CFAP47: variants seen among roughly 807,000 people sequenced by gnomAD.
The protein encoded by CFAP47 is cilia- and flagella-associated protein 47.
A neutral mutation model predicts 148.1 loss-of-function variants in CFAP47; 29 were observed. The observed-to-expected ratio is 0.20, with a 90% CI of 0.15 to 0.27. CFAP47 has a LOEUF of 0.27. CFAP47 is among the 10% of genes least tolerant of loss of function. CFAP47 has a pLI of 1.00. For missense variants in CFAP47, 1,872 were observed against 1,697.5 expected (o/e 1.10, Z -1.81); for synonymous variants, 664 against 577.3 (o/e 1.15, Z -2.15).
At chrX:36,004,218 CTGCCCACCA>C (rs758787525) in intron 21 of CFAP47, among the ~76,000 whole-genome samples, 18 of 110,200 alleles carry the variant, frequency 1.6e-4, no homozygotes, top group African/African-American at 6.0e-4. Context: ...CTCAGGTAAT[CTGCCCACCA>C]TGGCGTCCCA....
At chrX:36,061,075 G>T (rs570868062) in intron 26 of CFAP47, among the ~76,000 whole-genome samples, 2 of 111,015 alleles carry the variant, frequency 1.8e-5, no homozygotes, top group African/African-American at 6.5e-5. Flanking sequence ...GATCAAGGGG[G>T]TAGATTTCCC....
At chrX:36,121,891 AT>A (rs1215288449) in intron 33 of CFAP47, among the ~76,000 whole-genome samples, 2 of 110,833 alleles carry the variant, frequency 1.8e-5, no homozygotes, top group East Asian at 2.8e-4. Context: ...CCATCAGATG[AT>A]TTTTTTATTG....
intron 33 of CFAP47, among the ~76,000 whole-genome samples, chrX:36,118,635 G>A (rs1017290176): frequency 2.0e-4 from 22 of 109,591 alleles, no homozygotes; most frequent in African/African-American, 6.0e-4. Flanking sequence ...CACCATGCCC[G>A]GCTAATTTTT....
chrX:36,112,390 A>G (rs931008881), intron 33 of CFAP47, among the ~76,000 whole-genome samples: 6 of 111,514 alleles, frequency 5.4e-5, no homozygotes, highest in Non-Finnish European at 1.1e-4. Flanking sequence ...AGGTTATTCA[A>G]TTTCCATGTA....
intron 37 of CFAP47, among the ~76,000 whole-genome samples, chrX:36,157,327 G>A (rs868660332): frequency 7.6e-4 from 85 of 112,436 alleles, no homozygotes; most frequent in African/African-American, 2.6e-3. Context: ...TTTCACTTTT[G>A]TGACAGTCAC....
intron 33 of CFAP47, among the ~76,000 whole-genome samples, chrX:36,113,967 G>A (rs146723953): frequency 0.062 from 6,693 of 108,690 alleles, 576 homozygotes; most frequent in African/African-American, 0.21. Context: ...CCACCACCAT[G>A]CCCAGCTAAT....
Position 35,941,322 on chromosome X carries a change from T to C in CFAP47, c.441T>C (p.Val147=). 8.5e-7 allele frequency: 1 copy of C among 1,180,111 alleles called. No individual in the cohort carries two copies. The highest frequency in any genetic ancestry group is 1.1e-6 in the Non-Finnish European group (1 of 879,236). Residue 147 remains valine, a synonymous_variant, in exon 3 of 64, where the codon GTT becomes GTC. Transcript: ENST00000378653. ...GTCAATTGGAAATTGAATCAGTAGTTAATTTTGGCACACTGGTTGCCAATA... is the reference window on the plus strand; with the variant it reads ...GTCAATTGGAAATTGAATCAGTAGTCAATTTTGGCACACTGGTTGCCAATA... ...PSCQLEIESV[V]NFGTLVANSK...
At position 36,144,880 on chromosome X, in the gene CFAP47, C is replaced by T. The variant is rs1230187001; in HGVS notation, c.5536-339C>T. The T allele has an allele frequency of 3.1e-6, 3 of 965,545 alleles. No homozygotes were observed. The East Asian group carries it at 1.7e-4, about 56-fold the overall frequency. The allele number at this position is 965,545 out of a possible 1,213,427, so 79.6% of individuals were successfully genotyped here. A position where few individuals can be genotyped will look rare whatever the true frequency, so the allele number is the denominator to read the frequency against. On this transcript the variant is annotated intron_variant, in intron 35 of 63. Transcript: ENST00000378653. The stretch of plus-strand genomic sequence containing the variant: ...CTCCTTTGGGCTTTCAGCCTTCGGC[C>T]TCAGAATGGGGCCTGCACTGTAGCT...
rs1940901996 is a variant in CFAP47 at position 36,267,089 on chromosome X, T to A, written c.7445-13398T>A. Among the ~76,000 whole-genome samples the A allele has an allele frequency of 4.5e-5, 5 of 112,260 alleles. No individual in the cohort carries two copies. In the Admixed American group the frequency reaches 4.7e-4, roughly 11 times the overall value. ...GTCTTTGACATTGAAAGAAACTTATTGACCATAGTACCACAGGAACAGTTG... is the reference window on the plus strand; with the variant it reads ...GTCTTTGACATTGAAAGAAACTTATAGACCATAGTACCACAGGAACAGTTG... On this transcript the variant is annotated intron_variant, in intron 49 of 63. Transcript: ENST00000378653.
At chrX:36,173,988 A>G (rs1939627930) in intron 39 of CFAP47, among the ~76,000 whole-genome samples, 2 of 110,407 alleles carry the variant, frequency 1.8e-5, no homozygotes, top group South Asian at 7.9e-4. Context: ...GTGCACCTGT[A>G]TTGGGTGCAT....
chrX:36,338,343 C>T (rs984766542), intron 57 of CFAP47, among the ~76,000 whole-genome samples: 23 of 111,171 alleles, frequency 2.1e-4, no homozygotes, highest in African/African-American at 7.2e-4. Flanking sequence ...GAAAGCCTGA[C>T]TGTATTTACT....
intron 62 of CFAP47, among the ~76,000 whole-genome samples, chrX:36,371,991 T>TACACAC (rs1556022019): frequency 6.9e-4 from 49 of 70,729 alleles, no homozygotes; most frequent in African/African-American, 4.7e-3. Flanking sequence ...TGTATATATG[T>TACACAC]ATGTGTATAT....
At chrX:36,160,373 G>A in intron 38 of CFAP47, among the ~76,000 whole-genome samples, 1 of 111,964 alleles carries the variant, frequency 8.9e-6, no homozygotes, top group Non-Finnish European at 1.9e-5. Context: ...GCTGGGCTTA[G>A]CCTGTCATTG....
chrX:36,176,059 T>C (rs1200282259), intron 39 of CFAP47, among the ~76,000 whole-genome samples: 1 of 112,374 alleles, frequency 8.9e-6, no homozygotes, highest in African/African-American at 3.2e-5. Flanking sequence ...AGTGACCCGA[T>C]TTTCCAGGTG....
chrX:36,254,412 T>C (rs1328387446), intron 49 of CFAP47, among the ~76,000 whole-genome samples: 3 of 111,263 alleles, frequency 2.7e-5, no homozygotes, highest in Non-Finnish European at 3.8e-5. Flanking sequence ...GTTTTACTTA[T>C]TGCACTGGGA....
chrX:36,261,430 A>T (rs1451542178), intron 49 of CFAP47, among the ~76,000 whole-genome samples: 1 of 103,143 alleles, frequency 9.7e-6, no homozygotes, highest in Non-Finnish European at 2.0e-5. Context: ...CAGATAAACA[A>T]GTGAACAAAG....
intron 2 of CFAP47, among the ~76,000 whole-genome samples, chrX:35,933,382 T>A (rs1935860637): frequency 8.9e-6 from 1 of 111,818 alleles, no homozygotes; most frequent in Non-Finnish European, 1.9e-5. Flanking sequence ...GTTACATCTA[T>A]GTGTAAATGA....
At chrX:36,119,730 A>G (rs1199599425) in intron 33 of CFAP47, among the ~76,000 whole-genome samples, 1 of 111,381 alleles carries the variant, frequency 9.0e-6, no homozygotes, top group Non-Finnish European at 1.9e-5. Context: ...GGCTTCATTC[A>G]TGTTACTTGT....
intron 33 of CFAP47, among the ~76,000 whole-genome samples, chrX:36,136,525 G>T (rs1053534871): frequency 1.8e-5 from 2 of 110,691 alleles, no homozygotes; most frequent in African/African-American, 6.5e-5. Context: ...TTTATTGATA[G>T]CTATGGGTGG....
Sources: allele counts gnomAD v4.1 joint callset (sites outside exome capture counted in the v4.1 genomes callset), GRCh38; gene constraint gnomAD v4.1.1; transcripts MANE v1.5; gene names NCBI Gene and HGNC (gene_info 2026-07-23, HGNC 2026-07-21).